The following PRKAG2 variants were observed in gnomAD, a reference collection of about 807,000 sequenced individuals.
PRKAG2 encodes the protein protein kinase AMP-activated non-catalytic subunit gamma 2.
PRKAG2 carries 26 observed loss-of-function variants against 69.6 expected under a neutral mutation model. The observed-to-expected ratio is 0.37, with a 90% CI of 0.27 to 0.52. The LOEUF (loss-of-function observed/expected upper bound fraction) is 0.52. PRKAG2 is among the 20% of genes least tolerant of loss of function. The pLI, the probability that PRKAG2 is intolerant of heterozygous loss-of-function variation, is 0.90. For synonymous variants in PRKAG2, 293 were observed against 285.0 expected (o/e 1.03, Z -0.28); for missense variants, 557 against 740.0 (o/e 0.75, Z 2.87).
chr7:151,844,652 G>A (rs6953844), intron 1 of PRKAG2, among the ~76,000 whole-genome samples: 25 of 152,292 alleles, frequency 1.6e-4, no homozygotes, highest in African/African-American at 5.5e-4. Flanking sequence ...TATTTCTATC[G>A]TGAGTCATGG....
At chr7:151,851,736 G>A (rs2079573341) in intron 1 of PRKAG2, among the ~76,000 whole-genome samples, 1 of 152,196 alleles carries the variant, frequency 6.6e-6, no homozygotes, top group African/African-American at 2.4e-5. Context: ...CTTCTGGAAG[G>A]AAGGATGGGA....
intron 3 of PRKAG2, among the ~76,000 whole-genome samples, chr7:151,690,028 T>C (rs1425184125): frequency 2.0e-5 from 3 of 152,162 alleles, no homozygotes; most frequent in Non-Finnish European, 4.4e-5. Flanking sequence ...AATAAGCGTC[T>C]CGTGGTGGAA....
At chr7:151,648,570 C>G (rs1348165089) in intron 4 of PRKAG2, among the ~76,000 whole-genome samples, 1 of 152,156 alleles carries the variant, frequency 6.6e-6, no homozygotes, top group Non-Finnish European at 1.5e-5. Context: ...GTAGCTGCAA[C>G]ACAAAGGCAT....
intron 3 of PRKAG2, among the ~76,000 whole-genome samples, chr7:151,737,182 G>A (rs1204450071): frequency 6.6e-6 from 1 of 151,968 alleles, no homozygotes; most frequent in African/African-American, 2.4e-5. Flanking sequence ...TTCCCCCTTA[G>A]TGAACTAAGA....
intron 3 of PRKAG2, among the ~76,000 whole-genome samples, chr7:151,681,873 C>T (rs78446508): frequency 0.012 from 1,760 of 152,098 alleles, 34 homozygotes; most frequent in South Asian, 0.098. Flanking sequence ...TGGGGCTTCA[C>T]GGGGCCAACA....
In PRKAG2 at chr7:151,857,129, G is replaced by GAAAA. The variant is rs34768438; in HGVS notation, c.114+19374_114+19377dup. Among the ~76,000 whole-genome samples, 168 of 122,696 alleles carry GAAAA rather than the reference G, an allele frequency of 1.4e-3. 2 individuals are homozygous for GAAAA. The highest frequency in any genetic ancestry group is 5.7e-3 in the Admixed American group (67 of 11,768). 80.5% of individuals were successfully genotyped at this position (122,696 alleles called of 152,430 possible). A position where few individuals can be genotyped will look rare whatever the true frequency, so the allele number is the denominator to read the frequency against. On this transcript the variant is annotated intron_variant, in intron 1 of 15. Coordinates refer to ENST00000287878, the MANE Select transcript of PRKAG2 (RefSeq NM_016203.4). Reference sequence around the variant, plus strand: ...ATTAGGCAAGGGCTGATCATTGCTGGAAAAAAAAAAAAAAAAAGCCCACAG... The same window carrying GAAAA: ...ATTAGGCAAGGGCTGATCATTGCTGGAAAAAAAAAAAAAAAAAAAAAGCCCACAG...
At position 151,576,420 on chromosome 7, in the gene PRKAG2, G is replaced by A. The variant is rs201876556; in HGVS notation, c.897C>T (p.Asn299=). Residue 299 remains asparagine (N), a synonymous_variant, in exon 7 of 16, where the codon AAC becomes AAT. Coordinates refer to ENST00000287878, the MANE Select transcript of PRKAG2 (RefSeq NM_016203.4). Reference sequence around the variant, plus strand: ...CCCACAGTGGCGCTGCTCGGACACCGTTGGCTACCAAAGCAAAGAAGGCCT... The same window carrying A: ...CCCACAGTGGCGCTGCTCGGACACCATTGGCTACCAAAGCAAAGAAGGCCT... ...VKKAFFALVA[N]GVRAAPLWES... The A allele has an allele frequency of 5.5e-5, 88 of 1,610,496 alleles. 1 individual carries two copies. In the South Asian group the frequency reaches 8.0e-4, roughly 15 times the overall value.
At chr7:151,752,857 C>A (rs965581963) in intron 3 of PRKAG2, among the ~76,000 whole-genome samples, 1 of 152,204 alleles carries the variant, frequency 6.6e-6, no homozygotes, top group African/African-American at 2.4e-5. Flanking sequence ...CCCCTGAAGC[C>A]CTGACTGGTG....
At chr7:151,641,324 T>G (rs2151367974) in intron 4 of PRKAG2, among the ~76,000 whole-genome samples, 1 of 144,858 alleles carries the variant, frequency 6.9e-6, no homozygotes, top group African/African-American at 2.5e-5. Context: ...CTCGGCTCAC[T>G]GCAATCTCCA....
chr7:151,675,291 T>C (rs1832730600), intron 4 of PRKAG2, 129 bp downstream of exon 4: 3 of 896,160 alleles, frequency 3.3e-6, no homozygotes, highest in Non-Finnish European at 5.4e-6. Flanking sequence ...TATGGTACAA[T>C]ATCCTGAAGA....
intron 3 of PRKAG2, among the ~76,000 whole-genome samples, chr7:151,696,020 C>T (rs745625957): frequency 4.6e-5 from 7 of 152,270 alleles, no homozygotes; most frequent in African/African-American, 7.2e-5. Context: ...GGCCTGATGC[C>T]GGCATAAGGT....
chr7:151,581,791 A>T lies in PRKAG2; in HGVS notation c.865-5339T>A, dbSNP rs182101205. Among the ~76,000 whole-genome samples, 74 of 152,288 alleles carry T rather than the reference A, an allele frequency of 4.9e-4. 1 individual carries two copies. The highest frequency in any genetic ancestry group is 3.5e-3 in the Admixed American group (54 of 15,296). On this transcript the variant is annotated intron_variant, in intron 6 of 15. Transcript: ENST00000287878. ...AAGCAGGGGTTTAAGTTTAACACTC[A>T]AATATGATGATTATTACTTCAGACT...
chr7:151,706,094 G>A (rs1838556017), intron 3 of PRKAG2, among the ~76,000 whole-genome samples: 1 of 152,122 alleles, frequency 6.6e-6, no homozygotes, highest in Non-Finnish European at 1.5e-5. Context: ...AAAAGGTTAG[G>A]TAACACAACT....
chr7:151,875,435 G>C (rs960777069), intron 1 of PRKAG2, among the ~76,000 whole-genome samples: 4 of 152,220 alleles, frequency 2.6e-5, no homozygotes, highest in African/African-American at 7.2e-5. Context: ...GGCCTGCCTC[G>C]GCCATGCCAG....
intron 1 of PRKAG2, chr7:151,806,349 C>T (rs2078100463): frequency 6.6e-6 from 1 of 152,286 alleles, no homozygotes; most frequent in South Asian, 2.1e-4. Context: ...GTGGTGAAGG[C>T]TGGCGATTTC....
chr7:151,628,536 A>G (rs1823586352), intron 5 of PRKAG2, among the ~76,000 whole-genome samples: 1 of 152,070 alleles, frequency 6.6e-6, no homozygotes, highest in African/African-American at 2.4e-5. Flanking sequence ...ATCATAGTGA[A>G]ACCCCATCTC....
At chr7:151,717,874 G>C (rs1425371044) in intron 3 of PRKAG2, among the ~76,000 whole-genome samples, 6 of 152,216 alleles carry the variant, frequency 3.9e-5, no homozygotes, top group Non-Finnish European at 2.9e-5. Flanking sequence ...AAAGGAGCTG[G>C]CCTTGACCTT....
chr7:151,815,331 G>A (rs559595279), intron 1 of PRKAG2, among the ~76,000 whole-genome samples: 2 of 152,128 alleles, frequency 1.3e-5, no homozygotes, highest in African/African-American at 2.4e-5. Context: ...CCCTCCCAGG[G>A]CTGGGCAATT....
intron 11 of PRKAG2, 45 bp from the exon 12 acceptor site, chr7:151,565,930 CTT>C (rs748604177): frequency 6.4e-7 from 1 of 1,572,316 alleles, no homozygotes; most frequent in Non-Finnish European, 8.8e-7. Context: ...AGAACACACT[CTT>C]GTCATGTTCA....
Sources: gnomAD v4.1 joint callset for allele counts (sites outside exome capture counted in the v4.1 genomes callset) on GRCh38, gnomAD v4.1.1 for gene constraint, MANE v1.5 for transcripts, NCBI Gene and HGNC (gene_info 2026-07-23, HGNC 2026-07-21) for gene names.